P2RX7: variants seen among roughly 807,000 people sequenced by gnomAD.
P2RX7 encodes the protein P2X purinoceptor 7.
Under a neutral mutation model 71.6 loss-of-function variants are expected in P2RX7, and 62 were observed. The observed-to-expected ratio is 0.87, with a 90% CI of 0.71 to 1.07. P2RX7 has a LOEUF of 1.07. Ranked by LOEUF, P2RX7 falls within the 50% of genes least tolerant of loss-of-function variation. The pLI, the probability that P2RX7 is intolerant of heterozygous loss-of-function variation, is 0.00. For synonymous variants in P2RX7, 299 were observed against 283.3 expected (o/e 1.06, Z -0.56); for missense variants, 686 against 748.5 (o/e 0.92, Z 0.97).
At chr12:121,170,883 A>G (rs1327602406) in intron 8 of P2RX7, among the ~76,000 whole-genome samples, 1 of 152,228 alleles carries the variant, frequency 6.6e-6, no homozygotes, top group Non-Finnish European at 1.5e-5. Flanking sequence ...TATACGAGGT[A>G]TTTCAGAAAA....
At position 121,184,701 on chromosome 12, in the gene P2RX7, A is replaced by G. The variant is rs1157374706; in HGVS notation, c.1687A>G (p.Met563Val). The G allele has an allele frequency of 1.9e-6, 3 of 1,568,588 alleles. No homozygotes were observed. Among genetic ancestry groups the G allele is most frequent in the Non-Finnish European group, 1.7e-6 (2 of 1,156,634 alleles). ...YATWRFGSQD[M>V]ADFAILPSCC... Reference sequence around the variant, plus strand: ...CACCTGGCGCTTCGGCTCCCAGGACATGGCTGACTTTGCCATCCTGCCCAG... The same window carrying G: ...CACCTGGCGCTTCGGCTCCCAGGACGTGGCTGACTTTGCCATCCTGCCCAG... The change falls in exon 13 of 13, where the codon ATG becomes GTG. Residue 563 changes from methionine (M) to valine (V), a missense_variant. Met to Val is a conservative substitution (Grantham distance 21, BLOSUM62 1). Transcript: ENST00000328963.
chr12:121,174,418 G>C (rs2136130024), intron 8 of P2RX7, among the ~76,000 whole-genome samples: 1 of 152,270 alleles, frequency 6.6e-6, no homozygotes, highest in African/African-American at 2.4e-5. Context: ...CTACTTGGGA[G>C]GCTGAGGTGG....
chr12:121,139,379 A>G (rs1487314878), intron 1 of P2RX7, among the ~76,000 whole-genome samples: 4 of 152,350 alleles, frequency 2.6e-5, no homozygotes, highest in Non-Finnish European at 4.4e-5. Flanking sequence ...AGCTTTTCCA[A>G]TGGCCACAGA....
At chr12:121,136,705 G>A (rs1873782907) in intron 1 of P2RX7, among the ~76,000 whole-genome samples, 1 of 143,532 alleles carries the variant, frequency 7.0e-6, no homozygotes, top group Non-Finnish European at 1.5e-5. Context: ...GTAGTGCAGT[G>A]GTGTGATCTC....
At chr12:121,156,792 A>T (rs1341088656) in intron 3 of P2RX7, among the ~76,000 whole-genome samples, 2 of 152,076 alleles carry the variant, frequency 1.3e-5, no homozygotes, top group African/African-American at 4.8e-5. Flanking sequence ...AATCTTTCCC[A>T]ACTTGGCTTT....
chr12:121,147,834 A>G (rs1234558670), intron 1 of P2RX7, among the ~76,000 whole-genome samples: 1 of 151,998 alleles, frequency 6.6e-6, no homozygotes. Flanking sequence ...GCGGGTCTTG[A>G]ACTCCTGGCC....
intron 3 of P2RX7, among the ~76,000 whole-genome samples, chr12:121,160,184 G>C (rs1458585060): frequency 2.1e-5 from 3 of 145,160 alleles, no homozygotes; most frequent in Admixed American, 1.4e-4. Context: ...TTTTGCTCTT[G>C]TCACCCAGGC....
chr12:121,184,632 TCCA>T lies in P2RX7; in HGVS notation c.1622_1624del (p.Thr541del). On this transcript the variant is annotated inframe_deletion, in exon 13 of 13. Coordinates refer to ENST00000328963, the MANE Select transcript of P2RX7 (RefSeq NM_002562.6). The stretch of plus-strand genomic sequence containing the variant: ...GCCCTTGCTGGCGCTGGATGTGGAT[TCCA>T]CCAACAGCCGGCTGCGGCACTGTGC... 1 of 1,610,092 alleles carries T rather than the reference TCCA, an allele frequency of 6.2e-7. No individual in the cohort carries two copies. Among genetic ancestry groups the T allele is most frequent in the Non-Finnish European group, 8.5e-7 (1 of 1,178,436 alleles).
Position 121,174,043 on chromosome 12 carries a change from CTTTTCTTT to C in P2RX7, c.882-1340_882-1333del, listed in dbSNP as rs1160750311. Among the ~76,000 whole-genome samples the C allele has an allele frequency of 5.8e-3, 704 of 121,188 alleles. 3 individuals are homozygous for C. Among genetic ancestry groups the C allele is most frequent in the African/African-American group, 0.021 (655 of 31,616 alleles). The allele number at this position is 121,188 out of a possible 152,430, so 79.5% of individuals were successfully genotyped here. On this transcript the variant is annotated intron_variant, in intron 8 of 12. Transcript: ENST00000328963. ...AAAAAACTTTTTTATTTTTTCTTTT[CTTTTCTTT>C]TTTTTTTTTTTTTTTTGAGACAGTC... is the stretch of plus-strand genomic sequence containing the variant.
intron 1 of P2RX7, among the ~76,000 whole-genome samples, chr12:121,139,752 T>TTTTTTTTTTTA (rs1874445782): frequency 7.4e-6 from 1 of 135,350 alleles, no homozygotes; most frequent in African/African-American, 2.8e-5. Flanking sequence ...TTTTTTTTTT[T>TTTTTTTTTTTA]GAGACAGAGT....
intron 7 of P2RX7, among the ~76,000 whole-genome samples, chr12:121,166,904 T>C (rs1412328616): frequency 6.0e-5 from 8 of 132,426 alleles, no homozygotes; most frequent in African/African-American, 2.4e-4. Context: ...AAAAAAAAAA[T>C]AGCCGGGCAT....
intron 1 of P2RX7, among the ~76,000 whole-genome samples, chr12:121,137,184 T>C (rs1873890874): frequency 6.6e-6 from 1 of 152,220 alleles, no homozygotes; most frequent in Non-Finnish European, 1.5e-5. Flanking sequence ...GATGGGATAC[T>C]GGCATCTGGT....
At chr12:121,160,728 T>C (rs1879500691) in intron 3 of P2RX7, among the ~76,000 whole-genome samples, 174 bp from the exon 4 acceptor site, 1 of 152,250 alleles carries the variant, frequency 6.6e-6, no homozygotes, top group East Asian at 1.9e-4. Context: ...GTACCACATT[T>C]TATTTGTCCA....
chr12:121,173,581 A>C (rs1882570969), intron 8 of P2RX7, among the ~76,000 whole-genome samples: 1 of 152,204 alleles, frequency 6.6e-6, no homozygotes, highest in South Asian at 2.1e-4. Flanking sequence ...GGGCCACAGG[A>C]GGAAGTACCA....
Position 121,167,543 on chromosome 12 carries a change from A to C in P2RX7, c.800A>C (p.His267Pro), listed in dbSNP as rs775306247. Residue 267 changes from histidine (H) to proline (P), a missense_variant, in exon 8 of 13, where the codon CAT becomes CCT. Transcript: ENST00000328963. ...YWDCNLDRWF[H>P]HCRPKYSFRR... ...GACTGCAACCTAGACCGTTGGTTCC[A>C]TCACTGCCGTCCCAAATACAGTTTC... The C allele has an allele frequency of 5.0e-6, 8 of 1,613,812 alleles. No individual in the cohort carries two copies. Among genetic ancestry groups the C allele is most frequent in the Non-Finnish European group, 6.8e-6 (8 of 1,179,842 alleles).
chr12:121,163,442 G>A (rs920981391), intron 5 of P2RX7, among the ~76,000 whole-genome samples: 1 of 151,826 alleles, frequency 6.6e-6, no homozygotes. Flanking sequence ...ATGCAGTGAT[G>A]GAAATTTCTG....
chr12:121,160,887 T>C lies in P2RX7; in HGVS notation c.364-15T>C. 1 of 1,606,244 alleles carries C rather than the reference T, an allele frequency of 6.2e-7. No homozygotes were observed. The highest frequency in any genetic ancestry group is 8.5e-7 in the Non-Finnish European group (1 of 1,172,732). ...ACGTCACTTACTCCCCACTCTGTCA[T>C]CCTTCTATCTGCAGTATCCCACCCG... is the stretch of plus-strand genomic sequence containing the variant. On this transcript the variant is annotated splice_polypyrimidine_tract_variant and intron_variant, in intron 3 of 12. Transcript: ENST00000328963.
Position 121,162,512 on chromosome 12 carries a change from G to C in P2RX7, c.525G>C (p.Glu175Asp). 6.2e-7 allele frequency: 1 copy of C among 1,612,952 alleles called. No homozygotes were observed. Among genetic ancestry groups the C allele is most frequent in the Non-Finnish European group, 8.5e-7 (1 of 1,179,994 alleles). The change falls in exon 5 of 13, where the codon GAG becomes GAC. Residue 175 changes from glutamate (E) to aspartate (D), a missense_variant. Coordinates refer to ENST00000328963, the MANE Select transcript of P2RX7 (RefSeq NM_002562.6). ...SAWCPIEAVEEAPRPALLNSA... is the reference protein window; with the variant it reads ...SAWCPIEAVEDAPRPALLNSA... Reference sequence around the variant, plus strand: ...GGTGCCCCATCGAGGCAGTGGAAGAGGCCCCCCGGTGAGTCGCATGGGGAG... The same window carrying C: ...GGTGCCCCATCGAGGCAGTGGAAGACGCCCCCCGGTGAGTCGCATGGGGAG...
chr12:121,161,438 T>C (rs1322128255), intron 4 of P2RX7, among the ~76,000 whole-genome samples: 1 of 152,186 alleles, frequency 6.6e-6, no homozygotes, highest in African/African-American at 2.4e-5. Flanking sequence ...ATTTTATTTA[T>C]ATCTAAGTGC....
Sources: gnomAD v4.1 joint callset for allele counts (sites outside exome capture counted in the v4.1 genomes callset) on GRCh38, gnomAD v4.1.1 for gene constraint, MANE v1.5 for transcripts, NCBI Gene and HGNC (gene_info 2026-07-23, HGNC 2026-07-21) for gene names.